PPFIA1: variants seen among roughly 807,000 people sequenced by gnomAD.
PPFIA1 encodes liprin-alpha-1.
In PPFIA1, 25 loss-of-function variants were observed where a neutral mutation model predicts 149.9. The ratio of observed to expected loss-of-function variants is 0.17; its 90% CI spans 0.12 to 0.23. PPFIA1 has a LOEUF of 0.23. Ranked by LOEUF, PPFIA1 falls within the 10% of genes least tolerant of loss-of-function variation. The pLI is 1.00. For synonymous variants in PPFIA1, 549 were observed against 552.8 expected (o/e 0.99, Z 0.10); for missense variants, 1,362 against 1,506.5 (o/e 0.90, Z 1.59).
Position 70,324,917 on chromosome 11 carries a change from G to T in PPFIA1, c.437G>T (p.Arg146Ile). 2 of 1,614,032 alleles carry T rather than the reference G, an allele frequency of 1.2e-6. No individual in the cohort carries two copies. The highest frequency in any genetic ancestry group is 1.1e-5 in the South Asian group (1 of 91,072). Residue 146 changes from arginine (R) to isoleucine (I), a missense_variant, in exon 4 of 28, where the codon AGA becomes ATA. Around this residue, in one of 7 missense-constraint regions of PPFIA1, gnomAD observed 79 missense variants for 146.2 expected, o/e 0.54. Transcript: ENST00000253925. ...TCTCTTAGGATGACCGTGGTGAAGA[G>T]ACAAGCGCAGTCTCCAGCAGGCGTG... is the stretch of plus-strand genomic sequence containing the variant. ...ERSLRMTVVK[R>I]QAQSPAGVSS...
rs1346272526 is a variant in PPFIA1, at chr11:70,309,404, G to C, written c.265-14998G>C. On this transcript the variant is annotated intron_variant, in intron 2 of 27. Coordinates refer to ENST00000253925, the MANE Select transcript of PPFIA1 (RefSeq NM_003626.5). ...AGCTGGTCTCGAACTTGCGACCTCAGGTGATCTGCCCGCCTTGGCCTCCCA... is the reference window on the plus strand; with the variant it reads ...AGCTGGTCTCGAACTTGCGACCTCACGTGATCTGCCCGCCTTGGCCTCCCA... 2.6e-5 allele frequency among the ~76,000 whole-genome samples: 4 copies of C among 152,188 alleles called. No individual in the cohort carries two copies. In the East Asian group the frequency reaches 7.7e-4, roughly 29 times the overall value.
chr11:70,351,366 C>T (rs566267188), intron 16 of PPFIA1, among the ~76,000 whole-genome samples: 2 of 152,326 alleles, frequency 1.3e-5, no homozygotes, highest in African/African-American at 4.8e-5. Context: ...GACCCATTTT[C>T]ATAATAATCA....
chr11:70,276,662 C>G (rs2050395607), intron 2 of PPFIA1, among the ~76,000 whole-genome samples: 1 of 151,832 alleles, frequency 6.6e-6, no homozygotes, highest in Non-Finnish European at 1.5e-5. Context: ...CAGGGTTTTC[C>G]TTGTGAGAAG....
Position 70,356,270 on chromosome 11 carries a change from TTTC to T in PPFIA1, c.2582+20_2582+22del, listed in dbSNP as rs1271611771. The stretch of plus-strand genomic sequence containing the variant: ...TTCAAAAAAAGTAAGCTTTGTGTTA[TTTC>T]TTCATCTCATTGAATGGTTTTCAGT... On this transcript the variant is annotated intron_variant, in intron 19 of 27. Coordinates refer to ENST00000253925, the MANE Select transcript of PPFIA1 (RefSeq NM_003626.5). 1.3e-6 allele frequency: 2 copies of T among 1,593,022 alleles called. No individual in the cohort carries two copies. Among genetic ancestry groups the T allele is most frequent in the African/African-American group, 2.7e-5 (2 of 74,386 alleles).
intron 23 of PPFIA1, 169 bp from the exon 24 acceptor site, chr11:70,374,749 T>C (rs2057412771): frequency 1.7e-6 from 1 of 586,114 alleles, no homozygotes. Flanking sequence ...CAGGACACCA[T>C]TGTCTCAGTG....
In PPFIA1 at chr11:70,272,330, C is replaced by G; in HGVS notation, c.158C>G (p.Thr53Arg). The change falls in exon 2 of 28, where the codon ACA becomes AGA. Residue 53 changes from threonine (T) to arginine (R), a missense_variant. Around this residue, in one of 7 missense-constraint regions of PPFIA1, gnomAD observed 100 missense variants for 106.2 expected, o/e 0.94. Coordinates refer to ENST00000253925, the MANE Select transcript of PPFIA1 (RefSeq NM_003626.5). ...MLEERDRLLDTLRETQETLAL... is the reference protein window; with the variant it reads ...MLEERDRLLDRLRETQETLAL... ...GAAGAAAGGGACCGCCTTCTTGATA[C>G]ACTGAGAGAGACTCAAGAAACGCTG... 3 of 1,614,188 alleles carry G rather than the reference C, an allele frequency of 1.9e-6. No homozygotes were observed. The highest frequency in any genetic ancestry group is 2.5e-6 in the Non-Finnish European group (3 of 1,180,028).
At chr11:70,283,920 G>A (rs780482643) in intron 2 of PPFIA1, 1 of 484,982 alleles carries the variant, frequency 2.1e-6, no homozygotes, top group South Asian at 1.5e-5. Context: ...CCCAAATGTT[G>A]GAAGTGTCCA....
At chr11:70,325,075 G>T (rs1448541012) in intron 4 of PPFIA1, 64 bp downstream of exon 4, 2 of 1,438,042 alleles carry the variant, frequency 1.4e-6, no homozygotes, top group Non-Finnish European at 1.8e-6. Context: ...CTTCACAAGT[G>T]TTGGTGTAAC....
At position 70,383,861 on chromosome 11, in the gene PPFIA1, G is replaced by A. The variant is rs1316220273; in HGVS notation, c.*871G>A. 1.3e-5 allele frequency: 2 copies of A among 152,452 alleles called. No homozygotes were observed. Among genetic ancestry groups the A allele is most frequent in the Non-Finnish European group, 2.9e-5 (2 of 68,206 alleles). 9.4% of individuals were successfully genotyped at this position (152,452 alleles called of 1,614,324 possible). A position where few individuals can be genotyped will look rare whatever the true frequency, so the allele number is the denominator to read the frequency against. Reference sequence around the variant, plus strand: ...TCTGCTCCTTGGGAGCGGGTGGAGAGACACCCATGTGGCTCCCCTTAGGGC... The same window carrying A: ...TCTGCTCCTTGGGAGCGGGTGGAGAAACACCCATGTGGCTCCCCTTAGGGC... On this transcript the variant is annotated 3_prime_UTR_variant, in exon 28 of 28. Transcript: ENST00000253925.
Position 70,348,326 on chromosome 11 carries a change from C to T in PPFIA1, c.2069C>T (p.Ala690Val). ...CCCCCCTACCCTGCTTCCTCGCTTG[C>T]TAGCTCCTCCCCTCCGGGCAGTGGG... ...SIPPYPASSL[A>V]SSSPPGSGRS... The change falls in exon 16 of 28, where the codon GCT becomes GTT. Residue 690 changes from alanine (A) to valine (V), a missense_variant. This residue lies in a region of PPFIA1 where 733 missense variants were observed against 744.1 expected (regional missense o/e 0.99). Coordinates refer to ENST00000253925, the MANE Select transcript of PPFIA1 (RefSeq NM_003626.5). 6.2e-7 allele frequency: 1 copy of T among 1,614,192 alleles called. No individual in the cohort carries two copies. Among genetic ancestry groups the T allele is most frequent in the Non-Finnish European group, 8.5e-7 (1 of 1,180,012 alleles).
At chr11:70,376,197 C>T (rs905983521) in intron 24 of PPFIA1, among the ~76,000 whole-genome samples, 1 of 152,202 alleles carries the variant, frequency 6.6e-6, no homozygotes, top group African/African-American at 2.4e-5. Flanking sequence ...CCATGTTGGC[C>T]AAGCTGGTCT....
chr11:70,326,390 C>G (rs140522822), intron 6 of PPFIA1, 27 bp downstream of exon 6: 1 of 1,528,722 alleles, frequency 6.5e-7, no homozygotes, highest in East Asian at 2.3e-5. Flanking sequence ...TGTCTTTATT[C>G]TGTTTGATTT....
chr11:70,323,777 T>C (rs2054102531), intron 2 of PPFIA1, among the ~76,000 whole-genome samples: 2 of 152,198 alleles, frequency 1.3e-5, no homozygotes, highest in Admixed American at 1.3e-4. Context: ...ATGCTAGAAG[T>C]TGATTACCCA....
chr11:70,306,773 G>A lies in PPFIA1; in HGVS notation c.265-17629G>A, dbSNP rs919734530. Among the ~76,000 whole-genome samples, 7 of 152,226 alleles carry A rather than the reference G, an allele frequency of 4.6e-5. No homozygotes were observed. In the East Asian group the frequency reaches 1.3e-3, roughly 29 times the overall value. ...GTCATTTATACGTAATAAGAGAAAAGGTAAATAATGAAGTTAGAGATAACA... is the reference window on the plus strand; with the variant it reads ...GTCATTTATACGTAATAAGAGAAAAAGTAAATAATGAAGTTAGAGATAACA... On this transcript the variant is annotated intron_variant, in intron 2 of 27. Transcript: ENST00000253925.
At chr11:70,301,994 A>T (rs2052516641) in intron 2 of PPFIA1, among the ~76,000 whole-genome samples, 1 of 152,180 alleles carries the variant, frequency 6.6e-6, no homozygotes, top group South Asian at 2.1e-4. Flanking sequence ...TTTAACAGTG[A>T]TGGGCACAGC....
At chr11:70,301,893 A>T (rs1480217323) in intron 2 of PPFIA1, among the ~76,000 whole-genome samples, 2 of 152,250 alleles carry the variant, frequency 1.3e-5, no homozygotes, top group Non-Finnish European at 2.9e-5. Flanking sequence ...CCGTGCAGTA[A>T]TGTGAGCTGT....
At chr11:70,346,918 T>G (rs1284064327) in intron 15 of PPFIA1, among the ~76,000 whole-genome samples, 1 of 152,244 alleles carries the variant, frequency 6.6e-6, no homozygotes, top group Non-Finnish European at 1.5e-5. Flanking sequence ...TTAAAACTGC[T>G]GTCTAGTGAT....
chr11:70,337,295 G>A (rs2055041131), intron 11 of PPFIA1, 70 bp from the exon 12 acceptor site: 5 of 1,017,968 alleles, frequency 4.9e-6, no homozygotes, highest in East Asian at 5.3e-5. Context: ...TTTTTTAAAC[G>A]AATACAGCCA....
intron 23 of PPFIA1, chr11:70,373,832 G>C (rs1343166583): frequency 1.3e-5 from 2 of 152,200 alleles, no homozygotes; most frequent in Non-Finnish European, 2.9e-5. Context: ...GAGTTAATGT[G>C]AATCAGGAGA....
Sources: allele counts gnomAD v4.1 joint callset (sites outside exome capture counted in the v4.1 genomes callset), GRCh38; gene constraint gnomAD v4.1.1; regional missense constraint gnomAD v4.1.1; transcripts MANE v1.5; gene names NCBI Gene and HGNC (gene_info 2026-07-23, HGNC 2026-07-21).